Variants in PRKN observed in about 807,000 individuals in gnomAD.
PRKN encodes E3 ubiquitin-protein ligase parkin.
A neutral mutation model predicts 59.5 loss-of-function variants in PRKN; 56 were observed. The observed-to-expected ratio is 0.94, with a 90% CI of 0.76 to 1.18. PRKN has a LOEUF of 1.18. PRKN is among the 50% of genes most tolerant of loss of function. The pLI, the probability that PRKN is intolerant of heterozygous loss-of-function variation, is 0.00. For missense variants in PRKN, 657 were observed against 596.4 expected, an observed-to-expected ratio of 1.10 and a Z score of -1.06; for synonymous variants, 250 against 222.1, an observed-to-expected ratio of 1.13 and a Z score of -1.12.
At chr6:162,602,229 A>T (rs2128217016) in intron 1 of PRKN, among the ~76,000 whole-genome samples, 1 of 152,320 alleles carries the variant, frequency 6.6e-6, no homozygotes, top group African/African-American at 2.4e-5. Flanking sequence ...CTTTAGCCAG[A>T]TGAGGTGGCG....
chr6:162,037,706 C>G (rs962073769), intron 5 of PRKN, among the ~76,000 whole-genome samples: 1 of 152,000 alleles, frequency 6.6e-6, no homozygotes, highest in African/African-American at 2.4e-5. Context: ...GCCACCACAC[C>G]CAGCTAGCTT....
intron 4 of PRKN, among the ~76,000 whole-genome samples, chr6:162,079,266 T>C (rs906802255): frequency 6.6e-6 from 1 of 152,130 alleles, no homozygotes; most frequent in African/African-American, 2.4e-5. Flanking sequence ...GCAAGGACGA[T>C]AGTTGGGAAC....
chr6:161,388,273 G>C lies in PRKN; in HGVS notation c.1084-1396C>G, dbSNP rs1430120049. On this transcript the variant is annotated intron_variant, in intron 9 of 11. Transcript: ENST00000366898. The surrounding 1 kb of genome is among the most constrained non-coding windows in gnomAD (Gnocchi z 4.3). ...TCTCATATGACCCCTGGGAGAGGTA[G>C]TGAGATAGCACATGCTGAGTGGCTA... Among the ~76,000 whole-genome samples the C allele has an allele frequency of 6.6e-6, 1 of 152,244 alleles. No homozygotes were observed. The highest frequency in any genetic ancestry group is 1.5e-5 in the Non-Finnish European group (1 of 68,038).
chr6:161,655,133 G>A (rs9458327), intron 7 of PRKN, among the ~76,000 whole-genome samples: 2 of 123,690 alleles, frequency 1.6e-5, no homozygotes, highest in Non-Finnish European at 3.2e-5. Flanking sequence ...CTCATCACCA[G>A]CAAGGTGCCC....
Position 162,248,343 on chromosome 6 carries a change from T to C in PRKN, c.412+14182A>G, listed in dbSNP as rs114221377. On this transcript the variant is annotated intron_variant, in intron 3 of 11. Coordinates refer to ENST00000366898, the MANE Select transcript of PRKN (RefSeq NM_004562.3). ...TCTTATAAAATAGTCATACACTGTG[T>C]CACAAAGGGTTATTTTACACTCGTC... 6.5e-3 allele frequency among the ~76,000 whole-genome samples: 996 copies of C among 152,320 alleles called. 9 individuals carry two copies. Among genetic ancestry groups the C allele is most frequent in the African/African-American group, 0.023 (937 of 41,568 alleles).
At chr6:162,220,864 C>T (rs538211645) in intron 3 of PRKN, among the ~76,000 whole-genome samples, 4 of 152,332 alleles carry the variant, frequency 2.6e-5, no homozygotes, top group Non-Finnish European at 5.9e-5. Context: ...CATATAGAGA[C>T]TAAGTTCCCA....
chr6:162,009,265 A>C (rs1449049463), intron 5 of PRKN, among the ~76,000 whole-genome samples: 1 of 151,842 alleles, frequency 6.6e-6, no homozygotes, highest in Non-Finnish European at 1.5e-5. Flanking sequence ...AGAACAAAGC[A>C]AAGAAAGAGG....
intron 1 of PRKN, among the ~76,000 whole-genome samples, chr6:162,713,969 A>G (rs1464356478): frequency 9.2e-5 from 14 of 152,224 alleles, no homozygotes. Context: ...GAAATTTCAC[A>G]TTCACTTGTC....
chr6:161,536,895 C>T (rs754075730), intron 9 of PRKN, among the ~76,000 whole-genome samples: 3 of 152,170 alleles, frequency 2.0e-5, no homozygotes, highest in Non-Finnish European at 2.9e-5. Context: ...ATTTTGAGAT[C>T]GAAAACCTCT....
chr6:162,313,394 C>T (rs1434952275), intron 2 of PRKN, among the ~76,000 whole-genome samples: 1 of 152,110 alleles, frequency 6.6e-6, no homozygotes, highest in Non-Finnish European at 1.5e-5. Flanking sequence ...AGCATCATGT[C>T]TCAAGGTCTT....
chr6:162,600,560 G>A (rs1046278885), intron 1 of PRKN, among the ~76,000 whole-genome samples: 1 of 152,130 alleles, frequency 6.6e-6, no homozygotes, highest in African/African-American at 2.4e-5. Context: ...ATGGTGATGT[G>A]GTTTGGATCC....
intron 1 of PRKN, among the ~76,000 whole-genome samples, chr6:162,623,173 A>G (rs1439281947): frequency 6.6e-6 from 1 of 152,326 alleles, no homozygotes; most frequent in East Asian, 1.9e-4. Flanking sequence ...CCTCATGCTG[A>G]TAACAGAATT....
intron 6 of PRKN, among the ~76,000 whole-genome samples, chr6:161,809,182 G>C (rs1281997424): frequency 6.6e-6 from 1 of 152,116 alleles, no homozygotes; most frequent in Non-Finnish European, 1.5e-5. Flanking sequence ...GGATGACACA[G>C]ATAGAAAATA....
At chr6:162,236,561 C>T (rs560564131) in intron 3 of PRKN, among the ~76,000 whole-genome samples, 6 of 151,696 alleles carry the variant, frequency 4.0e-5, no homozygotes, top group South Asian at 2.1e-4. Flanking sequence ...CGAGATGGGC[C>T]GATCACTGGA....
At chr6:162,613,610 C>A (rs1465923628) in intron 1 of PRKN, among the ~76,000 whole-genome samples, 1 of 152,146 alleles carries the variant, frequency 6.6e-6, no homozygotes, top group Non-Finnish European at 1.5e-5. Context: ...GCAGCAAATG[C>A]TTCTACCTCT....
chr6:162,337,077 C>T (rs187940949), intron 2 of PRKN, among the ~76,000 whole-genome samples: 3 of 152,286 alleles, frequency 2.0e-5, no homozygotes, highest in Admixed American at 1.3e-4. Context: ...TCTTATGTAT[C>T]TTGTGACTAC....
At chr6:162,495,765 C>T (rs1382190454) in intron 1 of PRKN, among the ~76,000 whole-genome samples, 1 of 152,184 alleles carries the variant, frequency 6.6e-6, no homozygotes. Flanking sequence ...TCACCGACGT[C>T]CACAGGTGCT....
intron 4 of PRKN, among the ~76,000 whole-genome samples, chr6:162,145,332 A>C (rs1781975298): frequency 6.6e-6 from 1 of 152,182 alleles, no homozygotes; most frequent in Admixed American, 6.5e-5. Flanking sequence ...AATAAAACAC[A>C]GGGATTTCCC....
intron 6 of PRKN, among the ~76,000 whole-genome samples, chr6:161,788,194 T>C (rs1790500989): frequency 6.6e-6 from 1 of 152,164 alleles, no homozygotes; most frequent in African/African-American, 2.4e-5. Flanking sequence ...AAATGACTCA[T>C]ACCATCTAGA....
Sources: allele counts gnomAD v4.1 joint callset (sites outside exome capture counted in the v4.1 genomes callset), GRCh38; gene constraint gnomAD v4.1.1; non-coding constraint Gnocchi (gnomAD v3.1); transcripts MANE v1.5; gene names NCBI Gene and HGNC (gene_info 2026-07-23, HGNC 2026-07-21).